ADAMTS17: variants seen among roughly 807,000 people sequenced by gnomAD.
ADAMTS17 encodes the protein ADAM metallopeptidase with thrombospondin type 1 motif 17, also known as A disintegrin and metalloproteinase with thrombospondin motifs 17.
Under a neutral mutation model 141.5 loss-of-function variants are expected in ADAMTS17, and 113 were observed. The observed-to-expected ratio is 0.80, with a 90% CI of 0.69 to 0.93. ADAMTS17 has a LOEUF of 0.93. Ranked by LOEUF, ADAMTS17 falls within the 40% of genes least tolerant of loss-of-function variation. The pLI is 0.00. For synonymous variants in ADAMTS17, 768 were observed against 630.6 expected (o/e 1.22, Z -3.27); for missense variants, 1,659 against 1,517.9 (o/e 1.09, Z -1.54).
intron 3 of ADAMTS17, among the ~76,000 whole-genome samples, chr15:100,288,648 C>T (rs1422103401): frequency 1.3e-5 from 2 of 152,228 alleles, no homozygotes; most frequent in South Asian, 4.2e-4. Flanking sequence ...TCACAAAAAA[C>T]CCAAAATTAT....
intron 3 of ADAMTS17, among the ~76,000 whole-genome samples, chr15:100,294,867 A>C (rs1210030297): frequency 1.3e-5 from 2 of 152,218 alleles, no homozygotes; most frequent in Non-Finnish European, 2.9e-5. Flanking sequence ...CATTTTACAT[A>C]GGTGGGGAAA....
At chr15:100,217,524 G>T (rs531398114) in intron 7 of ADAMTS17, among the ~76,000 whole-genome samples, 4 of 152,052 alleles carry the variant, frequency 2.6e-5, no homozygotes, top group Non-Finnish European at 5.9e-5. Context: ...GCTTGAATCC[G>T]GGAGGCGGAG....
At chr15:100,121,317 A>C (rs570731740) in intron 12 of ADAMTS17, among the ~76,000 whole-genome samples, 1 of 152,334 alleles carries the variant, frequency 6.6e-6, no homozygotes, top group African/African-American at 2.4e-5. Context: ...AGCTTACCAA[A>C]TGTAAAGAAA....
intron 8 of ADAMTS17, 72 bp from the exon 9 acceptor site, chr15:100,155,392 C>T (rs1163837716): frequency 5.7e-6 from 9 of 1,567,826 alleles, no homozygotes; most frequent in Non-Finnish European, 7.8e-6. Context: ...TGCTAGCGGA[C>T]CATGCTAAGG....
rs772145207 is a variant in ADAMTS17 at position 100,341,852 on chromosome 15, CAGCAGCACG to C, written c.39_47del (p.Val14_Leu16del). On this transcript the variant is annotated inframe_deletion, in exon 1 of 22. Transcript: ENST00000268070. ...CCGGGTCCAGTCCCCAAACCAGCAG[CAGCAGCACG>C]GGCAGGACGAGCGGAGGCAGCAGGG... The C allele has an allele frequency of 6.4e-7, 1 of 1,553,258 alleles. No homozygotes were observed. The highest frequency in any genetic ancestry group is 1.2e-5 in the South Asian group (1 of 84,230).
At chr15:100,159,910 C>A (rs887739597) in intron 8 of ADAMTS17, among the ~76,000 whole-genome samples, 28 of 152,182 alleles carry the variant, frequency 1.8e-4, no homozygotes, top group African/African-American at 6.3e-4. Flanking sequence ...TCTTTAAGAA[C>A]ATGCATAGTT....
intron 15 of ADAMTS17, among the ~76,000 whole-genome samples, chr15:100,057,948 T>C (rs1489646946): frequency 1.3e-5 from 2 of 152,160 alleles, no homozygotes; most frequent in East Asian, 3.9e-4. Context: ...CACATGCTTT[T>C]TGGAGGTTGG....
At chr15:100,186,913 T>A (rs1012932508) in intron 8 of ADAMTS17, among the ~76,000 whole-genome samples, 1 of 152,232 alleles carries the variant, frequency 6.6e-6, no homozygotes, top group Non-Finnish European at 1.5e-5. Context: ...ATGCCATTTG[T>A]CTCATTTCCC....
intron 6 of ADAMTS17, among the ~76,000 whole-genome samples, chr15:100,258,365 A>G (rs983483568): frequency 7.2e-5 from 11 of 152,212 alleles, no homozygotes; most frequent in Admixed American, 3.9e-4. Flanking sequence ...ATTTCTCCAC[A>G]GTCTTCCAAC....
intron 20 of ADAMTS17, among the ~76,000 whole-genome samples, chr15:99,986,497 A>G (rs530867615): frequency 3.3e-5 from 5 of 152,234 alleles, no homozygotes; most frequent in African/African-American, 1.2e-4. Context: ...TCACACACAG[A>G]AAGAAGGCTG....
At chr15:100,162,380 A>C (rs909660880) in intron 8 of ADAMTS17, among the ~76,000 whole-genome samples, 1 of 147,338 alleles carries the variant, frequency 6.8e-6, no homozygotes, top group Non-Finnish European at 1.5e-5. Flanking sequence ...TATATATGTT[A>C]TATATATAAC....
At chr15:100,149,662 C>T (rs1018505380) in intron 10 of ADAMTS17, among the ~76,000 whole-genome samples, 2 of 152,150 alleles carry the variant, frequency 1.3e-5, no homozygotes, top group Non-Finnish European at 2.9e-5. Flanking sequence ...CTGTGTGGTC[C>T]AATCCTAGCC....
At chr15:100,068,938 C>T (rs1265149230) in intron 15 of ADAMTS17, among the ~76,000 whole-genome samples, 2 of 152,186 alleles carry the variant, frequency 1.3e-5, no homozygotes, top group Admixed American at 1.3e-4. Flanking sequence ...GATGATCAAA[C>T]TACTCCGAGC....
At chr15:100,097,360 C>A (rs2035825843) in intron 14 of ADAMTS17, among the ~76,000 whole-genome samples, 1 of 152,216 alleles carries the variant, frequency 6.6e-6, no homozygotes, top group East Asian at 1.9e-4. Flanking sequence ...GCACTTCAGA[C>A]TCCAAAGGGA....
chr15:100,247,044 C>T (rs1250250842), intron 7 of ADAMTS17, among the ~76,000 whole-genome samples: 6 of 152,008 alleles, frequency 3.9e-5, no homozygotes, highest in African/African-American at 1.4e-4. Context: ...CCACCACACC[C>T]GGATAATTTT....
intron 18 of ADAMTS17, among the ~76,000 whole-genome samples, chr15:100,034,557 G>T (rs557775734): frequency 1.1e-4 from 16 of 152,352 alleles, no homozygotes; most frequent in Admixed American, 2.0e-4. Context: ...TGCTGGGCTT[G>T]GGAAGAAGGA....
At chr15:100,319,537 C>T (rs1383103890) in intron 3 of ADAMTS17, among the ~76,000 whole-genome samples, 2 of 152,068 alleles carry the variant, frequency 1.3e-5, no homozygotes, top group Non-Finnish European at 2.9e-5. Flanking sequence ...GGCGAAACCC[C>T]GTCTCTACTA....
At chr15:100,090,295 AC>A (rs2035374313) in intron 15 of ADAMTS17, among the ~76,000 whole-genome samples, 2 of 152,200 alleles carry the variant, frequency 1.3e-5, no homozygotes, top group Admixed American at 1.3e-4. Context: ...AAACTACCAA[AC>A]ATACCTGCAA....
chr15:100,071,145 A>G (rs2033941425), intron 15 of ADAMTS17, among the ~76,000 whole-genome samples: 1 of 150,720 alleles, frequency 6.6e-6, no homozygotes, highest in Non-Finnish European at 1.5e-5. Context: ...AATCTAGAAG[A>G]AATGGATAAA....
Sources: allele counts gnomAD v4.1 joint callset (sites outside exome capture counted in the v4.1 genomes callset), GRCh38; gene constraint gnomAD v4.1.1; transcripts MANE v1.5; gene names NCBI Gene and HGNC (gene_info 2026-07-23, HGNC 2026-07-21).